ETS1: variants seen among roughly 807,000 people sequenced by gnomAD.
The protein encoded by ETS1 is ETS proto-oncogene 1, transcription factor, also known as protein C-ets-1.
A neutral mutation model predicts 58.6 loss-of-function variants in ETS1; 15 were observed. That is an observed-to-expected ratio of 0.26 (90% confidence interval 0.17 to 0.39). ETS1 has a LOEUF of 0.39. ETS1 is among the 10% of genes least tolerant of loss of function. The pLI, the probability that ETS1 is intolerant of heterozygous loss-of-function variation, is 1.00. For synonymous variants in ETS1, 214 were observed against 218.2 expected, an observed-to-expected ratio of 0.98 and a Z score of 0.17; for missense variants, 417 against 610.5, an observed-to-expected ratio of 0.68 and a Z score of 3.34.
intron 3 of ETS1, among the ~76,000 whole-genome samples, chr11:128,499,799 G>C (rs1231837481): frequency 1.3e-5 from 2 of 152,112 alleles, no homozygotes; most frequent in Non-Finnish European, 2.9e-5. Flanking sequence ...TGGTCGGGGG[G>C]TAAAACAGGC....
chr11:128,583,793 C>T (rs1015508335), intron 1 of ETS1, among the ~76,000 whole-genome samples: 2 of 152,178 alleles, frequency 1.3e-5, no homozygotes, highest in African/African-American at 4.8e-5. Context: ...TGCTTACTCT[C>T]ATGCTAGTAA....
At chr11:128,551,152 A>G (rs1864222184) in intron 3 of ETS1, among the ~76,000 whole-genome samples, 1 of 152,252 alleles carries the variant, frequency 6.6e-6, no homozygotes, top group African/African-American at 2.4e-5. Context: ...AGCAGATGAT[A>G]GTCTGAAACA....
intron 3 of ETS1, among the ~76,000 whole-genome samples, chr11:128,545,817 C>T (rs1864124472): frequency 6.6e-6 from 1 of 152,102 alleles, no homozygotes; most frequent in Non-Finnish European, 1.5e-5. Context: ...CAAAAGATTA[C>T]AATTCAAGAA....
chr11:128,576,678 GC>G (rs1386470368), intron 1 of ETS1, among the ~76,000 whole-genome samples: 1 of 151,870 alleles, frequency 6.6e-6, no homozygotes, highest in African/African-American at 2.4e-5. Context: ...GGCTTGCTGT[GC>G]CCCCCCATGC....
rs547355694 is a variant in ETS1, at chr11:128,518,998, G to A, written c.215-28422C>T. ...AATTAAGTGGCTTGGGAATGTGTTG[G>A]CTTTGGCACCTGGCCCCTTCACAGC... On this transcript the variant is annotated intron_variant, in intron 3 of 9. Transcript: ENST00000392668. Among the ~76,000 whole-genome samples, 18 of 152,288 alleles carry A rather than the reference G, an allele frequency of 1.2e-4. No homozygotes were observed. In the South Asian group the frequency reaches 3.5e-3, roughly 30 times the overall value.
At chr11:128,494,783 T>C (rs151150230) in intron 3 of ETS1, among the ~76,000 whole-genome samples, 89 of 152,342 alleles carry the variant, frequency 5.8e-4, no homozygotes, top group South Asian at 2.1e-4. Flanking sequence ...CACGAGTTTA[T>C]GCTCTCACTA....
intron 2 of ETS1, among the ~76,000 whole-genome samples, chr11:128,560,908 T>C (rs1176509196): frequency 6.6e-6 from 1 of 151,988 alleles, no homozygotes; most frequent in Admixed American, 6.6e-5. Flanking sequence ...ACTAAGGTAA[T>C]AACTGTTAAG....
At chr11:128,563,374 T>G (rs1864436605) in intron 2 of ETS1, among the ~76,000 whole-genome samples, 1 of 152,214 alleles carries the variant, frequency 6.6e-6, no homozygotes, top group African/African-American at 2.4e-5. Context: ...TTTCTAGGAA[T>G]GTCATAGATG....
At chr11:128,506,987 C>CA (rs1863254882) in intron 3 of ETS1, among the ~76,000 whole-genome samples, 1 of 152,178 alleles carries the variant, frequency 6.6e-6, no homozygotes, top group Admixed American at 6.5e-5. Context: ...CTCCATCAGA[C>CA]AGGGCTCTTT....
At chr11:128,496,361 C>G (rs1411086549) in intron 3 of ETS1, among the ~76,000 whole-genome samples, 1 of 151,966 alleles carries the variant, frequency 6.6e-6, no homozygotes, top group Non-Finnish European at 1.5e-5. Flanking sequence ...GATATTTCCT[C>G]TTAATGGTCA....
chr11:128,549,764 G>A lies in ETS1; in HGVS notation c.214+6527C>T, dbSNP rs1261267412. ...AAGCCCTCCTTCCTCGGGGCTGTTG[G>A]GGTCACTCCTGAGAGCATGGGGTCT... On this transcript the variant is annotated intron_variant, in intron 3 of 9. Transcript: ENST00000392668. The surrounding 1 kb of genome is among the most constrained non-coding windows in gnomAD (Gnocchi z 4.3). Among the ~76,000 whole-genome samples, 1 of 152,164 alleles carries A rather than the reference G, an allele frequency of 6.6e-6. No individual in the cohort carries two copies. Among genetic ancestry groups the A allele is most frequent in the Non-Finnish European group, 1.5e-5 (1 of 68,026 alleles).
At chr11:128,485,824 T>G (rs1862614323) in intron 6 of ETS1, among the ~76,000 whole-genome samples, 1 of 152,126 alleles carries the variant, frequency 6.6e-6, no homozygotes, top group Non-Finnish European at 1.5e-5. Context: ...CTGCATGACT[T>G]TCAGGTGAAG....
At chr11:128,561,819 C>T (rs1009473476) in intron 2 of ETS1, among the ~76,000 whole-genome samples, 1 of 152,080 alleles carries the variant, frequency 6.6e-6, no homozygotes, top group Admixed American at 6.5e-5. Context: ...TGGAGGGTCT[C>T]TAAGGTGAAT....
intron 3 of ETS1, among the ~76,000 whole-genome samples, chr11:128,520,597 C>G (rs556438285): frequency 6.6e-6 from 1 of 152,334 alleles, no homozygotes; most frequent in Admixed American, 6.5e-5. Flanking sequence ...GCCTAAGTGC[C>G]TTAAATGTCT....
intron 3 of ETS1, among the ~76,000 whole-genome samples, chr11:128,495,878 C>T (rs1366004720): frequency 3.3e-5 from 5 of 152,170 alleles, no homozygotes; most frequent in Admixed American, 2.6e-4. Context: ...CTATATCCCT[C>T]ATAGAGTTTT....
chr11:128,558,649 C>CAAAAAAAAAAAAAAAAAAAA (rs201114905), intron 2 of ETS1, among the ~76,000 whole-genome samples: 1 of 103,442 alleles, frequency 9.7e-6, no homozygotes, highest in African/African-American at 3.5e-5. Flanking sequence ...ATATCCATCC[C>CAAAAAAAAAAAAAAAAAAAA]AAAAAAAAAA....
At chr11:128,496,126 C>A (rs1173414098) in intron 3 of ETS1, among the ~76,000 whole-genome samples, 4 of 151,834 alleles carry the variant, frequency 2.6e-5, no homozygotes, top group African/African-American at 9.7e-5. Context: ...CAATAAGAGG[C>A]AAATAAACTC....
intron 7 of ETS1, among the ~76,000 whole-genome samples, chr11:128,482,505 TAG>T (rs1227436438): frequency 2.0e-5 from 3 of 152,136 alleles, no homozygotes; most frequent in Non-Finnish European, 4.4e-5. Context: ...AGCAAGATAG[TAG>T]AGTTTCCAAG....
At chr11:128,514,004 T>G (rs1863457065) in intron 3 of ETS1, among the ~76,000 whole-genome samples, 1 of 152,140 alleles carries the variant, frequency 6.6e-6, no homozygotes, top group Admixed American at 6.5e-5. Context: ...ACAAAAAAAG[T>G]AATTAATTGA....
Sources: allele counts gnomAD v4.1 joint callset (sites outside exome capture counted in the v4.1 genomes callset), GRCh38; gene constraint gnomAD v4.1.1; non-coding constraint Gnocchi (gnomAD v3.1); transcripts MANE v1.5; gene names NCBI Gene and HGNC (gene_info 2026-07-23, HGNC 2026-07-21).